Variants in PRKAG2 observed in about 807,000 individuals in gnomAD.
The protein encoded by PRKAG2 is protein kinase AMP-activated non-catalytic subunit gamma 2, also known as 5'-AMP-activated protein kinase subunit gamma-2.
In PRKAG2, 26 loss-of-function variants were observed where a neutral mutation model predicts 69.6. That is an observed-to-expected ratio of 0.37 (90% CI 0.27 to 0.52). PRKAG2 has a LOEUF of 0.52. Among genes scored for constraint, PRKAG2 ranks in the 20% least tolerant of loss-of-function variants. PRKAG2 has a pLI of 0.90. For synonymous variants in PRKAG2, 293 were observed against 285.0 expected, an observed-to-expected ratio of 1.03 and a Z score of -0.28; for missense variants, 557 against 740.0, an observed-to-expected ratio of 0.75 and a Z score of 2.87.
chr7:151,636,239 G>T (rs1825721408), intron 4 of PRKAG2, among the ~76,000 whole-genome samples: 1 of 152,102 alleles, frequency 6.6e-6, no homozygotes, highest in Non-Finnish European at 1.5e-5. Flanking sequence ...GGAATATTCA[G>T]AATTGTGCAA....
At chr7:151,651,900 T>TGGG (rs139001049) in intron 4 of PRKAG2, among the ~76,000 whole-genome samples, 3 of 152,050 alleles carry the variant, frequency 2.0e-5, no homozygotes, top group African/African-American at 7.3e-5. Context: ...AGACTGGGGC[T>TGGG]GGGGTTGGAT....
chr7:151,736,050 G>C (rs1367993610), intron 3 of PRKAG2: 5 of 1,534,270 alleles, frequency 3.3e-6, no homozygotes, highest in Admixed American at 2.0e-5. Context: ...CCACAGAACC[G>C]GTGTCAGCCC....
intron 5 of PRKAG2, among the ~76,000 whole-genome samples, chr7:151,601,279 G>A (rs887005220): frequency 1.1e-4 from 17 of 152,260 alleles, no homozygotes; most frequent in African/African-American, 4.1e-4. Flanking sequence ...TCCCCTGAAC[G>A]CCAACAGCAT....
At chr7:151,610,355 C>A (rs149676392) in intron 5 of PRKAG2, among the ~76,000 whole-genome samples, 1 of 151,850 alleles carries the variant, frequency 6.6e-6, no homozygotes, top group African/African-American at 2.4e-5. Flanking sequence ...GGCGACAGAG[C>A]GAGTCTTCAT....
chr7:151,856,288 G>T (rs2079773412), intron 1 of PRKAG2, among the ~76,000 whole-genome samples: 1 of 152,190 alleles, frequency 6.6e-6, no homozygotes, highest in Non-Finnish European at 1.5e-5. Context: ...GGGAAACCAG[G>T]TCCCCAAAGT....
At chr7:151,613,539 C>T (rs1246949208) in intron 5 of PRKAG2, among the ~76,000 whole-genome samples, 4 of 152,110 alleles carry the variant, frequency 2.6e-5, no homozygotes, top group African/African-American at 9.7e-5. Flanking sequence ...GTTCTGTCAC[C>T]CAGGCTGGAG....
intron 3 of PRKAG2, among the ~76,000 whole-genome samples, chr7:151,697,195 G>T (rs1300533862): frequency 2.0e-5 from 3 of 152,162 alleles, no homozygotes; most frequent in African/African-American, 4.8e-5. Context: ...GGAACGGGGG[G>T]TGGTGTGTAG....
At chr7:151,572,369 T>G in intron 9 of PRKAG2, 2 of 256,688 alleles carry the variant, frequency 7.8e-6, no homozygotes, top group Non-Finnish European at 1.5e-5. Context: ...GGTGGCCCCA[T>G]TGTGGGCAGC....
intron 3 of PRKAG2, among the ~76,000 whole-genome samples, chr7:151,755,421 A>G (rs2075020880): frequency 6.6e-6 from 1 of 152,098 alleles, no homozygotes; most frequent in South Asian, 2.1e-4. Flanking sequence ...GGTGTGCACA[A>G]GACACAGTCA....
chr7:151,575,755 T>TG (rs1443478897), intron 7 of PRKAG2, among the ~76,000 whole-genome samples: 6 of 151,972 alleles, frequency 3.9e-5, no homozygotes, highest in African/African-American at 1.5e-4. Flanking sequence ...GTGTCCTACG[T>TG]GGGGTTTGTT....
At chr7:151,691,473 A>C (rs1192283611) in intron 3 of PRKAG2, among the ~76,000 whole-genome samples, 1 of 119,676 alleles carries the variant, frequency 8.4e-6, no homozygotes, top group South Asian at 2.5e-4. Flanking sequence ...ACAACAACAA[A>C]AAAAACTCAG....
At chr7:151,708,063 G>C (rs1372412863) in intron 3 of PRKAG2, among the ~76,000 whole-genome samples, 1 of 152,220 alleles carries the variant, frequency 6.6e-6, no homozygotes, top group Non-Finnish European at 1.5e-5. Context: ...CACAAGGGGG[G>C]CGCTGTCCCC....
At chr7:151,577,893 A>G (rs1355383536) in intron 6 of PRKAG2, among the ~76,000 whole-genome samples, 1 of 152,180 alleles carries the variant, frequency 6.6e-6, no homozygotes, top group Non-Finnish European at 1.5e-5. Flanking sequence ...TTAAATGGAA[A>G]CAATGAGAAA....
At chr7:151,596,298 AT>A (rs1585119129) in intron 5 of PRKAG2, among the ~76,000 whole-genome samples, 1 of 152,368 alleles carries the variant, frequency 6.6e-6, no homozygotes. Context: ...AACATAAAAA[AT>A]CAGTAGCATT....
intron 3 of PRKAG2, among the ~76,000 whole-genome samples, chr7:151,761,709 C>A (rs192381403): frequency 2.6e-3 from 396 of 152,270 alleles, no homozygotes; most frequent in Non-Finnish European, 4.3e-3. Context: ...TTTACTGTGA[C>A]GCCGTGGTCT....
At chr7:151,735,137 T>C (rs996345632) in intron 3 of PRKAG2, among the ~76,000 whole-genome samples, 5 of 152,188 alleles carry the variant, frequency 3.3e-5, no homozygotes, top group Non-Finnish European at 5.9e-5. Context: ...ATTACAGGCA[T>C]GAGCCACCGC....
At chr7:151,575,679 G>A (rs962427350) in intron 7 of PRKAG2, among the ~76,000 whole-genome samples, 2 of 152,098 alleles carry the variant, frequency 1.3e-5, no homozygotes, top group African/African-American at 4.8e-5. Context: ...AGATGAGTGC[G>A]GGGCCCAGGG....
chr7:151,832,119 G>C (rs2079038588), intron 1 of PRKAG2, among the ~76,000 whole-genome samples: 1 of 152,118 alleles, frequency 6.6e-6, no homozygotes, highest in Non-Finnish European at 1.5e-5. Flanking sequence ...CTGAGGCCTG[G>C]GGGAAGGGGA....
rs35008070 is a variant in PRKAG2 at position 151,734,848 on chromosome 7, C to CTTTT, written c.466+46300_466+46303dup. ...TTATAGGCCCAGCCTAAATCTGATT[C>CTTTT]TTTTTTTTTTTTTTTTTTTTTTTTG... On this transcript the variant is annotated intron_variant, in intron 3 of 15. Transcript: ENST00000287878. Among the ~76,000 whole-genome samples the CTTTT allele has an allele frequency of 4.6e-3, 416 of 90,108 alleles. 5 individuals carry two copies. The highest frequency in any genetic ancestry group is 0.012 in the African/African-American group (237 of 19,720). The allele number at this position is 90,108 out of a possible 152,430, so 59.1% of individuals were successfully genotyped here.
Sources: gnomAD v4.1 joint callset for allele counts (sites outside exome capture counted in the v4.1 genomes callset) on GRCh38, gnomAD v4.1.1 for gene constraint, MANE v1.5 for transcripts, NCBI Gene and HGNC (gene_info 2026-07-23, HGNC 2026-07-21) for gene names.